The following ANO10 variants were observed in gnomAD, a reference collection of about 807,000 sequenced individuals.
The protein encoded by ANO10 is anoctamin-10.
A neutral mutation model predicts 74.7 loss-of-function variants in ANO10; 77 were observed. That is an observed-to-expected ratio of 1.03 (90% CI 0.86 to 1.25). The LOEUF is 1.25. Ranked by LOEUF, ANO10 falls within the 50% of genes most tolerant of loss-of-function variation. The pLI, the probability that ANO10 is intolerant of heterozygous loss-of-function variation, is 0.00. For missense variants in ANO10, 721 were observed against 778.1 expected (o/e 0.93, Z 0.87); for synonymous variants, 279 against 284.9 (o/e 0.98, Z 0.21).
chr3:43,580,553 A>G lies in ANO10; in HGVS notation c.473-81T>C, dbSNP rs1361493677. Reference sequence around the variant, plus strand: ...ACGCTTCAGCAAATACTATAAGGACACTCCACAGAGGAGTACAACGCAAAG... The same window carrying G: ...ACGCTTCAGCAAATACTATAAGGACGCTCCACAGAGGAGTACAACGCAAAG... On this transcript the variant is annotated intron_variant, in intron 4 of 12. Transcript: ENST00000292246. 5.1e-6 allele frequency: 8 copies of G among 1,565,394 alleles called. No individual in the cohort carries two copies. In the South Asian group the frequency reaches 6.7e-5, roughly 13 times the overall value.
chr3:43,626,827 G>A (rs1413328229), upstream of ANO10, among the ~76,000 whole-genome samples: 1 of 151,954 alleles, frequency 6.6e-6, no homozygotes, highest in Non-Finnish European at 1.5e-5. Context: ...GTTTATCTCT[G>A]TACCAGAATC....
At chr3:43,655,033 C>T (rs573687540) in intron 1 of ANO10, among the ~76,000 whole-genome samples, 3 of 152,326 alleles carry the variant, frequency 2.0e-5, no homozygotes, top group South Asian at 2.1e-4. Context: ...GCACAGGGAT[C>T]ACAGACTCTG....
At position 43,432,659 on chromosome 3, in the gene ANO10, C is replaced by A. The variant is rs781404448; in HGVS notation, c.1866G>T (p.Met622Ile). 1.2e-6 allele frequency: 2 copies of A among 1,614,000 alleles called. No homozygotes were observed. The highest frequency in any genetic ancestry group is 2.2e-5 in the East Asian group (1 of 44,848). ...AIPDKPRHIQ[M>I]KLARLEFESL... ...ACTCAAATTCCAGTCTGGCTAGTTT[C>A]ATCTGGATATGCCGTGGCTTATCAG... is the stretch of plus-strand genomic sequence containing the variant. Residue 622 changes from methionine to isoleucine, a missense_variant, in exon 12 of 13, where the codon ATG (methionine) becomes ATT (isoleucine). By Grantham distance (10) the Met-to-Ile change is conservative (BLOSUM62 1). Transcript: ENST00000292246.
intron 1 of ANO10, among the ~76,000 whole-genome samples, chr3:43,683,677 C>T (rs538163372): frequency 2.0e-5 from 3 of 152,202 alleles, no homozygotes; most frequent in Admixed American, 2.0e-4. Flanking sequence ...TGACCTCAAA[C>T]TATACTACAA....
intron 11 of ANO10, among the ~76,000 whole-genome samples, chr3:43,475,500 T>G (rs967645257): frequency 6.6e-6 from 1 of 152,236 alleles, no homozygotes; most frequent in African/African-American, 2.4e-5. Context: ...TCTCCCCAAA[T>G]GGCTTGCCAT....
chr3:43,404,084 G>A (rs2092531820), intron 12 of ANO10, among the ~76,000 whole-genome samples: 1 of 152,160 alleles, frequency 6.6e-6, no homozygotes, highest in Admixed American at 6.5e-5. Flanking sequence ...CTATTCAGCT[G>A]ACTTTAAGTT....
chr3:43,391,586 C>G (rs1209150667), intron 12 of ANO10, among the ~76,000 whole-genome samples: 1 of 152,190 alleles, frequency 6.6e-6, no homozygotes, highest in African/African-American at 2.4e-5. Context: ...CAACAGAATA[C>G]AGTAAAAGCG....
chr3:43,520,421 A>T (rs1269724464), intron 11 of ANO10, among the ~76,000 whole-genome samples: 3 of 152,158 alleles, frequency 2.0e-5, no homozygotes, highest in African/African-American at 4.8e-5. Context: ...TCAACATATG[A>T]ATTTTAGGGG....
chr3:43,647,523 T>G (rs1324743825), intron 1 of ANO10, among the ~76,000 whole-genome samples: 1 of 152,118 alleles, frequency 6.6e-6, no homozygotes, highest in Non-Finnish European at 1.5e-5. Flanking sequence ...CAAATTCCTC[T>G]CTACTCAGAC....
In ANO10 at chr3:43,455,569, T is replaced by G. The variant is rs138405338; in HGVS notation, c.1798-22842A>C. On this transcript the variant is annotated intron_variant, in intron 11 of 12. Coordinates refer to ENST00000292246, the MANE Select transcript of ANO10 (RefSeq NM_018075.5). ...AGGCTAGGTACTGTAAATCAACTAG[T>G]TAGCAGGATAGGAGGGCAGTCTTCC... is the stretch of plus-strand genomic sequence containing the variant. Among the ~76,000 whole-genome samples the G allele has an allele frequency of 3.2e-3, 481 of 152,198 alleles. 4 individuals carry two copies. Among genetic ancestry groups the G allele is most frequent in the African/African-American group, 0.011 (457 of 41,526 alleles).
chr3:43,608,914 G>A (rs1425548255), intron 1 of ANO10, among the ~76,000 whole-genome samples: 1 of 152,112 alleles, frequency 6.6e-6, no homozygotes, highest in Non-Finnish European at 1.5e-5. Flanking sequence ...GATTGCAAAT[G>A]ATCTGGCATC....
At chr3:43,655,280 G>T (rs932466275) in intron 1 of ANO10, among the ~76,000 whole-genome samples, 1 of 152,072 alleles carries the variant, frequency 6.6e-6, no homozygotes, top group South Asian at 2.1e-4. Context: ...TTAAGGTGGC[G>T]CGTCTGGAGC....
chr3:43,372,912 T>C (rs2091668717), intron 12 of ANO10: 2 of 1,475,054 alleles, frequency 1.4e-6, no homozygotes, highest in East Asian at 5.0e-5. Flanking sequence ...GATGAACTTG[T>C]GAAGCCTCTT....
chr3:43,691,023 G>A, intron 1 of ANO10: 1 of 1,563,182 alleles, frequency 6.4e-7, no homozygotes, highest in Non-Finnish European at 8.6e-7. Context: ...GGTGGACTCT[G>A]CCGACACCGG....
intron 11 of ANO10, among the ~76,000 whole-genome samples, chr3:43,526,545 A>T (rs1338135859): frequency 6.6e-6 from 1 of 152,238 alleles, no homozygotes; most frequent in Non-Finnish European, 1.5e-5. Context: ...ATAGTATAAC[A>T]TATACAGAAT....
intron 1 of ANO10, among the ~76,000 whole-genome samples, chr3:43,669,168 C>T (rs896325024): frequency 6.6e-6 from 1 of 151,996 alleles, no homozygotes; most frequent in Non-Finnish European, 1.5e-5. Flanking sequence ...TTTCCCTTCC[C>T]CCAGGTCAAT....
chr3:43,684,677 A>T (rs1253872004), intron 1 of ANO10, among the ~76,000 whole-genome samples: 1 of 152,230 alleles, frequency 6.6e-6, no homozygotes, highest in Non-Finnish European at 1.5e-5. Flanking sequence ...ACTTGGAACC[A>T]ACCCAAATGT....
intron 1 of ANO10, among the ~76,000 whole-genome samples, chr3:43,665,178 T>C (rs1484269025): frequency 6.6e-6 from 1 of 152,168 alleles, no homozygotes; most frequent in Non-Finnish European, 1.5e-5. Flanking sequence ...ATATACACCA[T>C]GGAATACTAT....
chr3:43,598,408 A>G (rs1367651983), intron 4 of ANO10, 124 bp downstream of exon 4: 1 of 952,968 alleles, frequency 1.0e-6, no homozygotes. Context: ...AAGGGAAAAG[A>G]TATGTTCATA....
Sources: gnomAD v4.1 joint callset for allele counts (sites outside exome capture counted in the v4.1 genomes callset) on GRCh38, gnomAD v4.1.1 for gene constraint, MANE v1.5 for transcripts, NCBI Gene and HGNC (gene_info 2026-07-23, HGNC 2026-07-21) for gene names.